Variants in GPRC6A observed in about 807,000 individuals in gnomAD.
GPRC6A encodes the protein G protein-coupled receptor class C group 6 member A.
In GPRC6A, 54 loss-of-function variants were observed where a neutral mutation model predicts 47.0. The observed-to-expected ratio is 1.15, with a 90% CI of 0.92 to 1.44. GPRC6A has a LOEUF of 1.44. Among genes scored for constraint, GPRC6A ranks in the 40% most tolerant of loss-of-function variants. The probability of loss-of-function intolerance (pLI) is 0.00; values close to 1 mark genes in which losing one functional copy is unlikely to be tolerated. For synonymous variants in GPRC6A, 347 were observed against 377.1 expected, an observed-to-expected ratio of 0.92 and a Z score of 0.93; for missense variants, 1,112 against 1,105.5, an observed-to-expected ratio of 1.01 and a Z score of -0.08.
At chr6:116,794,779 G>T (rs1376935595) in intron 5 of GPRC6A, among the ~76,000 whole-genome samples, 1 of 152,048 alleles carries the variant, frequency 6.6e-6, no homozygotes, top group African/African-American at 2.4e-5. Flanking sequence ...CAAGGAACGG[G>T]AAAATTTTAA....
chr6:116,809,550 T>C lies in GPRC6A; in HGVS notation c.262A>G (p.Thr88Ala), dbSNP rs1772960256. ...IHSIEMINNS[T>A]LLPGVKLGYE... ...CCCAGTTTGACTCCAGGTAAGAGTGTTGAATTGTTGATCATCTCAATGCTG... is the reference window on the plus strand; with the variant it reads ...CCCAGTTTGACTCCAGGTAAGAGTGCTGAATTGTTGATCATCTCAATGCTG... The change falls in exon 2 of 6, where the codon ACA becomes GCA. Residue 88 changes from threonine to alanine, a missense_variant. By Grantham distance (58) the Thr-to-Ala change is moderately conservative. Transcript: ENST00000310357. The C allele has an allele frequency of 1.2e-6, 2 of 1,612,706 alleles. No individual in the cohort carries two copies. The highest frequency in any genetic ancestry group is 1.7e-6 in the Non-Finnish European group (2 of 1,178,982).
chr6:116,795,666 A>AG (rs1562478073), intron 5 of GPRC6A, 46 bp downstream of exon 5: 1 of 1,427,470 alleles, frequency 7.0e-7, no homozygotes, highest in East Asian at 2.4e-5. Context: ...AGAAAAAAAA[A>AG]GCCTAAGAGG....
chr6:116,822,398 A>G (rs1773521214), intron 1 of GPRC6A, among the ~76,000 whole-genome samples: 1 of 131,494 alleles, frequency 7.6e-6, no homozygotes, highest in South Asian at 2.8e-4. Context: ...GCTGCTATAA[A>G]GACACATGCA....
intron 1 of GPRC6A, among the ~76,000 whole-genome samples, chr6:116,824,148 GAAGA>G (rs1486037681): frequency 4.6e-5 from 7 of 151,840 alleles, no homozygotes; most frequent in African/African-American, 1.7e-4. Context: ...CAACGAAAAA[GAAGA>G]AAGATTTCAA....
At chr6:116,820,124 C>T (rs888535005) in intron 1 of GPRC6A, among the ~76,000 whole-genome samples, 2 of 150,010 alleles carry the variant, frequency 1.3e-5, no homozygotes, top group Admixed American at 6.7e-5. Context: ...TGGATAAATT[C>T]CTTGACACAT....
chr6:116,798,736 A>G (rs1333969529), intron 4 of GPRC6A, among the ~76,000 whole-genome samples: 1 of 152,044 alleles, frequency 6.6e-6, no homozygotes, highest in African/African-American at 2.4e-5. Context: ...TACAAAAATT[A>G]GCCGGGCATG....
intron 2 of GPRC6A, 38 bp downstream of exon 2, chr6:116,809,275 GT>G: frequency 6.6e-7 from 1 of 1,524,666 alleles, no homozygotes; most frequent in Non-Finnish European, 9.0e-7. Context: ...AATAACAAAT[GT>G]GATCAAAAGC....
intron 1 of GPRC6A, among the ~76,000 whole-genome samples, chr6:116,820,767 A>T (rs1024049980): frequency 2.0e-5 from 3 of 150,616 alleles, no homozygotes; most frequent in African/African-American, 7.3e-5. Context: ...GAATGGGCAA[A>T]AACTGGAAGC....
At chr6:116,821,652 G>A (rs1371939132) in intron 1 of GPRC6A, among the ~76,000 whole-genome samples, 4 of 152,052 alleles carry the variant, frequency 2.6e-5, no homozygotes, top group African/African-American at 4.8e-5. Context: ...AAACTGGCTA[G>A]CCATATGTAG....
At chr6:116,825,978 T>C (rs541241175) in intron 1 of GPRC6A, among the ~76,000 whole-genome samples, 47 of 151,810 alleles carry the variant, frequency 3.1e-4, no homozygotes, top group Admixed American at 1.5e-3. Flanking sequence ...ACAGGGAAAA[T>C]TGGATATCCA....
chr6:116,825,407 T>C (rs1158898704), intron 1 of GPRC6A, among the ~76,000 whole-genome samples: 1 of 151,844 alleles, frequency 6.6e-6, no homozygotes. Flanking sequence ...ACAATATCAA[T>C]AGGATTTTTG....
chr6:116,800,873 C>T (rs1562480066), intron 3 of GPRC6A, 77 bp from the exon 4 acceptor site: 2 of 813,998 alleles, frequency 2.5e-6, no homozygotes, highest in Non-Finnish European at 4.0e-6. Context: ...GATAACACTG[C>T]CTTATAAAGC....
chr6:116,800,871 T>C (rs963897670), intron 3 of GPRC6A, 75 bp from the exon 4 acceptor site: 4 of 845,966 alleles, frequency 4.7e-6, no homozygotes, highest in African/African-American at 1.7e-5. Flanking sequence ...ATGATAACAC[T>C]GCCTTATAAA....
At chr6:116,795,879 A>C (rs766066448) in intron 4 of GPRC6A, 44 bp from the exon 5 acceptor site, 1 of 1,367,264 alleles carries the variant, frequency 7.3e-7, no homozygotes, top group East Asian at 2.4e-5. Flanking sequence ...AATTTGTAAA[A>C]AAAATTATCC....
chr6:116,819,415 GCACCA>G (rs1172993288), intron 1 of GPRC6A, among the ~76,000 whole-genome samples: 3 of 151,162 alleles, frequency 2.0e-5, no homozygotes, highest in Non-Finnish European at 4.4e-5. Context: ...ATTTTTTTCA[GCACCA>G]CACCACACCT....
intron 1 of GPRC6A, among the ~76,000 whole-genome samples, chr6:116,824,630 C>T (rs1352639450): frequency 6.6e-6 from 1 of 151,848 alleles, no homozygotes; most frequent in Non-Finnish European, 1.5e-5. Flanking sequence ...TAGCTCAGGA[C>T]CAGATGGATT....
At chr6:116,824,959 T>A (rs1361780099) in intron 1 of GPRC6A, among the ~76,000 whole-genome samples, 1 of 151,934 alleles carries the variant, frequency 6.6e-6, no homozygotes, top group Non-Finnish European at 1.5e-5. Context: ...ATGTAATACA[T>A]CACATCAACA....
At chr6:116,801,646 G>A (rs1379347165) in intron 3 of GPRC6A, among the ~76,000 whole-genome samples, 1 of 152,004 alleles carries the variant, frequency 6.6e-6, no homozygotes, top group African/African-American at 2.4e-5. Context: ...AACTTTTTAT[G>A]AGTGTTTCAA....
chr6:116,827,988 G>A (rs1413987590), intron 1 of GPRC6A, among the ~76,000 whole-genome samples: 1 of 152,116 alleles, frequency 6.6e-6, no homozygotes, highest in African/African-American at 2.4e-5. Flanking sequence ...TTTAGAGTTG[G>A]AAGGAAGCAT....
Sources: gnomAD v4.1 joint callset for allele counts (sites outside exome capture counted in the v4.1 genomes callset) on GRCh38, gnomAD v4.1.1 for gene constraint, MANE v1.5 for transcripts, NCBI Gene and HGNC (gene_info 2026-07-23, HGNC 2026-07-21) for gene names.